The following UBE4A variants were observed in gnomAD, a reference collection of about 807,000 sequenced individuals.
The protein encoded by UBE4A is ubiquitin conjugation factor E4 A.
UBE4A carries 48 observed loss-of-function variants against 117.9 expected under a neutral mutation model. That is an observed-to-expected ratio of 0.41 (90% CI 0.32 to 0.52). UBE4A has a LOEUF of 0.52. Ranked by LOEUF, UBE4A falls within the 20% of genes least tolerant of loss-of-function variation. The pLI is 0.33. For synonymous variants in UBE4A, 407 were observed against 450.0 expected (o/e 0.90, Z 1.21); for missense variants, 1,067 against 1,296.3 (o/e 0.82, Z 2.72).
intron 1 of UBE4A, among the ~76,000 whole-genome samples, chr11:118,364,525 G>A (rs1948547439): frequency 6.6e-6 from 1 of 152,036 alleles, no homozygotes; most frequent in Non-Finnish European, 1.5e-5. Flanking sequence ...CCAAATCTAA[G>A]ATATGGGCTT....
At chr11:118,374,680 T>C (rs1948635871) in intron 8 of UBE4A, among the ~76,000 whole-genome samples, 1 of 152,260 alleles carries the variant, frequency 6.6e-6, no homozygotes, top group Admixed American at 6.5e-5. Context: ...TGTGCTCTAA[T>C]ACCGTGTAAT....
intron 1 of UBE4A, among the ~76,000 whole-genome samples, chr11:118,361,912 C>T (rs887561719): frequency 6.6e-6 from 1 of 152,128 alleles, no homozygotes. Context: ...AAAGAATAAT[C>T]AGATATGAAC....
rs2134120423 is a variant in UBE4A at position 118,398,265 on chromosome 11, A to G, written c.*1825A>G. The G allele has an allele frequency of 6.6e-6, 1 of 152,618 alleles. No homozygotes were observed. Among genetic ancestry groups the G allele is most frequent in the African/African-American group, 2.4e-5 (1 of 41,584 alleles). 9.5% of individuals were successfully genotyped at this position (152,618 alleles called of 1,614,324 possible). ...TATTCCCAGCAGCTTCCTAGTTAACAACCCCCATGCTGCCTCCAGTCTTTG... is the reference window on the plus strand; with the variant it reads ...TATTCCCAGCAGCTTCCTAGTTAACGACCCCCATGCTGCCTCCAGTCTTTG... On this transcript the variant is annotated 3_prime_UTR_variant, in exon 20 of 20. Transcript: ENST00000252108.
At chr11:118,390,622 T>G in intron 17 of UBE4A, 35 bp from the exon 18 acceptor site, 1 of 1,475,002 alleles carries the variant, frequency 6.8e-7, no homozygotes, top group Non-Finnish European at 9.0e-7. Flanking sequence ...ACCAACCCTC[T>G]GGTGATCAGT....
rs372731461 is a variant in UBE4A, at chr11:118,394,971, TAAAC to T, written c.3075-1341_3075-1338del. Among the ~76,000 whole-genome samples, 1,317 of 152,148 alleles carry T rather than the reference TAAAC, an allele frequency of 8.7e-3. 9 individuals carry two copies. The highest frequency in any genetic ancestry group is 0.014 in the Non-Finnish European group (976 of 68,006). ...AGCAGAGCAAGACACCGTCTCTAAA[TAAAC>T]AGATAGATACATGTGGTATACTTTG... On this transcript the variant is annotated intron_variant, in intron 19 of 19. Transcript: ENST00000252108.
At chr11:118,395,136 C>G (rs2134116899) in intron 19 of UBE4A, among the ~76,000 whole-genome samples, 1 of 152,052 alleles carries the variant, frequency 6.6e-6, no homozygotes, top group Non-Finnish European at 1.5e-5. Context: ...TAAGACCAGC[C>G]TGGTCAACAT....
At chr11:118,382,180 T>C (rs1465303298) in intron 12 of UBE4A, among the ~76,000 whole-genome samples, 1 of 152,210 alleles carries the variant, frequency 6.6e-6, no homozygotes, top group East Asian at 1.9e-4. Flanking sequence ...GTATTATGCA[T>C]ACACTGTATG....
intron 7 of UBE4A, 82 bp from the exon 8 acceptor site, chr11:118,373,412 A>G (rs564697805): frequency 2.1e-5 from 32 of 1,529,410 alleles, no homozygotes; most frequent in African/African-American, 2.8e-5. Flanking sequence ...TGTTGTATCA[A>G]CTTAACTGTT....
At chr11:118,375,423 T>C (rs993254663) in intron 9 of UBE4A, among the ~76,000 whole-genome samples, 194 bp downstream of exon 9, 1 of 152,148 alleles carries the variant, frequency 6.6e-6, no homozygotes, top group Non-Finnish European at 1.5e-5. Flanking sequence ...GCAGTGACGC[T>C]ATCTTGGCTC....
At chr11:118,379,998 T>C (rs1948686807) in intron 11 of UBE4A, among the ~76,000 whole-genome samples, 1 of 151,856 alleles carries the variant, frequency 6.6e-6, no homozygotes, top group Admixed American at 6.6e-5. Flanking sequence ...GTAATCAGAG[T>C]TTTCAGAGCT....
intron 3 of UBE4A, 137 bp from the exon 4 acceptor site, chr11:118,369,286 A>T (rs992235468): frequency 1.6e-6 from 1 of 632,950 alleles, no homozygotes; most frequent in African/African-American, 1.8e-5. Flanking sequence ...GAATCTTTAG[A>T]TGTTGCTTTG....
intron 15 of UBE4A, among the ~76,000 whole-genome samples, chr11:118,385,782 T>G (rs1215970534): frequency 6.6e-6 from 1 of 152,238 alleles, no homozygotes; most frequent in Non-Finnish European, 1.5e-5. Context: ...GAGAAAGGTT[T>G]GATCTGATTT....
Position 118,375,037 on chromosome 11 carries a change from C to G in UBE4A, c.1258C>G (p.Gln420Glu), listed in dbSNP as rs1555125140. ...AGGCCGCACCAAGATTTGGGCCAAT[C>G]AGATGCCAGAAATCTTTTTCCAAAT... ...NAGRTKIWANQMPEIFFQMYA... is the reference protein window; with the variant it reads ...NAGRTKIWANEMPEIFFQMYA... The change falls in exon 9 of 20, where the codon CAG (glutamine) becomes GAG (glutamate). Residue 420 changes from glutamine to glutamate, a missense_variant. Around this residue, in one of 3 missense-constraint regions of UBE4A, gnomAD observed 1,001 missense variants for 1,184.0 expected, o/e 0.85. Coordinates refer to ENST00000252108, the MANE Select transcript of UBE4A (RefSeq NM_001204077.2). 4 of 1,614,130 alleles carry G rather than the reference C, an allele frequency of 2.5e-6. No individual in the cohort carries two copies. The highest frequency in any genetic ancestry group is 1.7e-5 in the Admixed American group (1 of 60,022).
chr11:118,376,976 C>G (rs541181475), intron 10 of UBE4A, among the ~76,000 whole-genome samples: 3 of 151,636 alleles, frequency 2.0e-5, no homozygotes, highest in African/African-American at 7.3e-5. Context: ...TTGCTCTAGC[C>G]GAAGAGTTGG....
rs1555128235 is a variant in UBE4A, at chr11:118,390,684, G to A, written c.2796G>A (p.Val932=). 6.5e-7 allele frequency: 1 copy of A among 1,550,366 alleles called. No homozygotes were observed. The highest frequency in any genetic ancestry group is 8.7e-7 in the Non-Finnish European group (1 of 1,151,740). ...ATGAGGAGAATTTCTGTGCCACTGT[G>A]CCCAAGGATGGACGTTCCTATTCCC... The part of the protein sequence containing the change: ...LGDEENFCAT[V]PKDGRSYSPT... The change falls in exon 18 of 20, where the codon GTG becomes GTA. Residue 932 remains valine, a synonymous_variant. Coordinates refer to ENST00000252108, the MANE Select transcript of UBE4A (RefSeq NM_001204077.2).
At chr11:118,382,847 A>T in intron 13 of UBE4A, 71 bp downstream of exon 13, 1 of 1,341,152 alleles carries the variant, frequency 7.5e-7, no homozygotes, top group Non-Finnish European at 9.8e-7. Context: ...TTTGATCCGT[A>T]TTTGGATATC....
chr11:118,366,535 C>T (rs775740482), intron 2 of UBE4A, among the ~76,000 whole-genome samples: 5 of 152,298 alleles, frequency 3.3e-5, no homozygotes, highest in Non-Finnish European at 1.5e-5. Context: ...ACCTCATCAT[C>T]CTAGTTTGTT....
intron 2 of UBE4A, among the ~76,000 whole-genome samples, chr11:118,366,061 TA>T (rs5795123): frequency 0.18 from 26,477 of 143,200 alleles, 2,676 homozygotes; most frequent in South Asian, 0.47. Context: ...TTTGTTTATT[TA>T]AAAAAAAAAA....
rs781951401 is a variant in UBE4A, at chr11:118,386,555, C to T, written c.2530C>T (p.Arg844Cys). 3.1e-6 allele frequency: 5 copies of T among 1,602,680 alleles called. No homozygotes were observed. The highest frequency in any genetic ancestry group is 1.1e-5 in the South Asian group (1 of 89,274). Residue 844 changes from arginine to cysteine, a missense_variant, in exon 16 of 20, where the codon CGT becomes TGT. Around this residue, in one of 3 missense-constraint regions of UBE4A, gnomAD observed 1,001 missense variants for 1,184.0 expected, o/e 0.85. Coordinates refer to ENST00000252108, the MANE Select transcript of UBE4A (RefSeq NM_001204077.2). Reference protein sequence around the residue: ...AGLQMFGQLARFHNIMSNETI... With the variant: ...AGLQMFGQLACFHNIMSNETI... ...CCTACAGATGTTTGGACAGCTGGCA[C>T]GTTTCCATAACATCATGTCCAATGA... is the stretch of plus-strand genomic sequence containing the variant.
Sources: allele counts gnomAD v4.1 joint callset (sites outside exome capture counted in the v4.1 genomes callset), GRCh38; gene constraint gnomAD v4.1.1; regional missense constraint gnomAD v4.1.1; transcripts MANE v1.5; gene names NCBI Gene and HGNC (gene_info 2026-07-23, HGNC 2026-07-21).